MAN2C1: variants seen among roughly 807,000 people sequenced by gnomAD.
The protein encoded by MAN2C1 is mannosidase alpha class 2C member 1.
MAN2C1 carries 111 observed loss-of-function variants against 126.9 expected under a neutral mutation model. The ratio of observed to expected loss-of-function variants is 0.87; its 90% CI spans 0.75 to 1.02. The LOEUF (loss-of-function observed/expected upper bound fraction) is 1.02. MAN2C1 is among the 50% of genes least tolerant of loss of function. MAN2C1 has a pLI of 0.00. For synonymous variants in MAN2C1, 567 were observed against 561.5 expected, an observed-to-expected ratio of 1.01 and a Z score of -0.14; for missense variants, 1,363 against 1,364.4, an observed-to-expected ratio of 1.00 and a Z score of 0.02.
At position 75,356,490 on chromosome 15, in the gene MAN2C1, GC is replaced by G. The variant is rs2072305329; in HGVS notation, c.2738-42del. 1 of 1,572,212 alleles carries G rather than the reference GC, an allele frequency of 6.4e-7. No homozygotes were observed. The highest frequency in any genetic ancestry group is 8.6e-7 in the Non-Finnish European group (1 of 1,160,676). ...GAAACAATGCTGGTGGAGAATGGGG[GC>G]TACCCTCCCCTGTCCCTAGAAGGGG... On this transcript the variant is annotated intron_variant, in intron 23 of 25. Coordinates refer to ENST00000267978, the MANE Select transcript of MAN2C1 (RefSeq NM_006715.4). The surrounding 1 kb of genome is among the most constrained non-coding windows in gnomAD (Gnocchi z 5.8).
Position 75,359,441 on chromosome 15 carries a change from G to T in MAN2C1, c.1949-16C>A. On this transcript the variant is annotated splice_polypyrimidine_tract_variant and intron_variant, in intron 16 of 25. Transcript: ENST00000267978. ...GTCACCAGGGCTGGGGGTGAGGCCT[G>T]GGCATCAGTGCAGCCTTCCTGACCT... 1 of 1,604,942 alleles carries T rather than the reference G, an allele frequency of 6.2e-7. No homozygotes were observed.
Position 75,362,471 on chromosome 15 carries a change from G to A in MAN2C1, c.898-18C>T. The A allele has an allele frequency of 6.3e-7, 1 of 1,591,670 alleles. No individual in the cohort carries two copies. Among genetic ancestry groups the A allele is most frequent in the Non-Finnish European group, 8.6e-7 (1 of 1,168,836 alleles). On this transcript the variant is annotated intron_variant, in intron 7 of 25. Coordinates refer to ENST00000267978, the MANE Select transcript of MAN2C1 (RefSeq NM_006715.4). The surrounding 1 kb of genome is among the most constrained non-coding windows in gnomAD (Gnocchi z 4.5). ...TGCTGCGCCTGTGGGCAGGTTGAAGGGAGCTGGGACCAGAGTGACAAGGGC... is the reference window on the plus strand; with the variant it reads ...TGCTGCGCCTGTGGGCAGGTTGAAGAGAGCTGGGACCAGAGTGACAAGGGC...
Position 75,361,940 on chromosome 15 carries a change from T to C in MAN2C1, c.1016A>G (p.Asn339Ser). ...CACCATGGCCTCTCCACTGGGCAGGTTCCCATCCTGGCAGTGAAGGAAGTG... is the reference window on the plus strand; with the variant it reads ...CACCATGGCCTCTCCACTGGGCAGGCTCCCATCCTGGCAGTGAAGGAAGTG... ...VGGTWVEMDG[N>S]LPSGEAMVRQ... Residue 339 changes from asparagine to serine, a missense_variant, in exon 9 of 26, where the codon AAC becomes AGC. Physicochemically the swap from Asn to Ser is conservative, Grantham distance 46. Coordinates refer to ENST00000267978, the MANE Select transcript of MAN2C1 (RefSeq NM_006715.4). This position sits in a 1 kb window ranked among gnomAD's most constrained non-coding sequence, Gnocchi z 5.0. The C allele has an allele frequency of 1.9e-6, 3 of 1,613,706 alleles. No individual in the cohort carries two copies. Among genetic ancestry groups the C allele is most frequent in the Non-Finnish European group, 2.5e-6 (3 of 1,179,746 alleles).
In MAN2C1 at chr15:75,362,409, G is replaced by C. The variant is rs762587340; in HGVS notation, c.942C>G (p.Tyr314Ter). 22 of 1,613,742 alleles carry C rather than the reference G, an allele frequency of 1.4e-5. No homozygotes were observed. The highest frequency in any genetic ancestry group is 1.9e-5 in the Non-Finnish European group (22 of 1,180,012). Residue 314 changes from tyrosine (Y) to a stop codon, truncating the protein, a stop_gained, in exon 8 of 26, where the codon TAC becomes TAG. Coordinates refer to ENST00000267978, the MANE Select transcript of MAN2C1 (RefSeq NM_006715.4). LOFTEE classifies it high-confidence loss of function. This position sits in a 1 kb window ranked among gnomAD's most constrained non-coding sequence, Gnocchi z 4.5. ...GGCACGCAAACTCCTGGATGCGGGA[G>C]TACAGGCCAGGGTAGCGGCTCTTCA... Reference protein sequence around the residue: ...EWVKSRYPGLYSRIQEFACRG... With the variant: ...EWVKSRYPGL
Position 75,361,368 on chromosome 15 carries a change from A to C in MAN2C1, c.1232T>G (p.Phe411Cys). Residue 411 changes from phenylalanine to cysteine, a missense_variant, in exon 11 of 26, where the codon TTC becomes TGC. By Grantham distance (205) the Phe-to-Cys change is radical. Transcript: ENST00000267978. The surrounding 1 kb of genome is among the most constrained non-coding windows in gnomAD (Gnocchi z 5.0). Reference protein sequence around the residue: ...LVNSFPHHTFFWEGLDGSRVL... With the variant: ...LVNSFPHHTFCWEGLDGSRVL... ...ACGGGAGCCATCCAGGCCCTCCCAG[A>C]AAAATGTATGGTGCTACCAGCAGGG... The C allele has an allele frequency of 3.2e-6, 5 of 1,564,052 alleles. No homozygotes were observed. Among genetic ancestry groups the C allele is most frequent in the Non-Finnish European group, 4.3e-6 (5 of 1,153,386 alleles).
At chr15:75,358,936 T>C in intron 18 of MAN2C1, 123 bp downstream of exon 18, 6 of 1,450,180 alleles carry the variant, frequency 4.1e-6, no homozygotes, top group Non-Finnish European at 5.7e-6. Context: ...CCCTGCTCCA[T>C]GTGTGGGTTC....
chr15:75,359,466 T>C (rs1171493213), intron 16 of MAN2C1, 41 bp from the exon 17 acceptor site: 7 of 1,583,170 alleles, frequency 4.4e-6, no homozygotes, highest in Middle Eastern at 2.3e-4. Flanking sequence ...CTTCCTGACC[T>C]TTCAGGAAGC....
At chr15:75,358,973 G>A in intron 18 of MAN2C1, 86 bp downstream of exon 18, 2 of 1,568,482 alleles carry the variant, frequency 1.3e-6, no homozygotes, top group East Asian at 4.5e-5. Flanking sequence ...GTGGGCTGCT[G>A]TGGGCAGTGT....
chr15:75,366,438 G>T, intron 4 of MAN2C1, 84 bp downstream of exon 4: 1 of 1,143,044 alleles, frequency 8.7e-7, no homozygotes, highest in East Asian at 2.5e-5. Flanking sequence ...GCGGGCTTAT[G>T]AGATCACTCT....
chr15:75,358,066 T>C, intron 21 of MAN2C1, 135 bp downstream of exon 21: 1 of 1,118,428 alleles, frequency 8.9e-7, no homozygotes, highest in Non-Finnish European at 1.3e-6. Flanking sequence ...ATGTAAAGCA[T>C]TTAGTGCAAT....
In MAN2C1 at chr15:75,362,158, G is replaced by T; in HGVS notation, c.1008+185C>A. On this transcript the variant is annotated intron_variant, in intron 8 of 25. Coordinates refer to ENST00000267978, the MANE Select transcript of MAN2C1 (RefSeq NM_006715.4). The surrounding 1 kb of genome is among the most constrained non-coding windows in gnomAD (Gnocchi z 4.5). ...ACTAGGCCATGCAACTTGTCACAGC[G>T]CTGGAGGCTCTCCTCCCCCTTGAAG... The T allele has an allele frequency of 1.5e-6, 1 of 667,398 alleles. No homozygotes were observed. The highest frequency in any genetic ancestry group is 2.6e-6 in the Non-Finnish European group (1 of 383,714). 41.3% of individuals were successfully genotyped at this position (667,398 alleles called of 1,614,324 possible).
chr15:75,366,921 G>T (rs118125867), intron 3 of MAN2C1, among the ~76,000 whole-genome samples: 1 of 152,326 alleles, frequency 6.6e-6, no homozygotes, highest in Non-Finnish European at 1.5e-5. Context: ...GAAACTCCGT[G>T]AAGTCAGGGG....
chr15:75,363,858 C>G, intron 6 of MAN2C1, 141 bp downstream of exon 6: 1 of 879,010 alleles, frequency 1.1e-6, no homozygotes, highest in South Asian at 1.7e-5. Context: ...TCCAGCCCCC[C>G]GGCCCCGTTT....
rs2072379780 is a variant in MAN2C1, at chr15:75,358,255, C to T, written c.2493G>A (p.Gly831=). 1 of 1,614,188 alleles carries T rather than the reference C, an allele frequency of 6.2e-7. No individual in the cohort carries two copies. The highest frequency in any genetic ancestry group is 8.5e-7 in the Non-Finnish European group (1 of 1,180,042). The change falls in exon 21 of 26, where the codon GGG becomes GGA. Residue 831 remains glycine (G), a synonymous_variant. Transcript: ENST00000267978. The part of the protein sequence containing the change: ...SSQATYEIQF[G]HLQRPTHYNT... ...TGTAGTGGGTAGGTCGCTGCAGGTG[C>T]CCAAACTGGATCTCATAGGTGGCCT...
At chr15:75,363,177 TC>T (rs1478872942) in intron 6 of MAN2C1, 5 of 457,368 alleles carry the variant, frequency 1.1e-5, no homozygotes, top group Non-Finnish European at 2.2e-5. Flanking sequence ...CTGCAGTTCC[TC>T]CCTTACCAGC....
Position 75,361,102 on chromosome 15 carries a change from G to A in MAN2C1, c.1404C>T (p.Pro468=), listed in dbSNP as rs1193976154. Reference sequence around the variant, plus strand: ...TCAGGCGGTCCAGCATGGTCTGGGTGGGGCCACCACCCCCATCCCCAAAGC... The same window carrying A: ...TCAGGCGGTCCAGCATGGTCTGGGTAGGGCCACCACCCCCATCCCCAAAGC... The part of the protein sequence containing the change: ...LFGFGDGGGG[P]TQTMLDRLKR... The change falls in exon 12 of 26, where the codon CCC becomes CCT. Residue 468 remains proline, a synonymous_variant. Transcript: ENST00000267978. The surrounding 1 kb of genome is among the most constrained non-coding windows in gnomAD (Gnocchi z 5.0). 5.6e-6 allele frequency: 9 copies of A among 1,612,650 alleles called. No homozygotes were observed. The highest frequency in any genetic ancestry group is 1.6e-4 in the Middle Eastern group (1 of 6,082).
rs144261499 is a variant in MAN2C1 at position 75,361,344 on chromosome 15, C to T, written c.1256G>A (p.Arg419His). 1,207 of 1,567,000 alleles carry T rather than the reference C, an allele frequency of 7.7e-4. 14 individuals are homozygous for T. The African/African-American group carries it at 0.013, about 17-fold the overall frequency. Reference protein sequence around the residue: ...TFFWEGLDGSRVLVHFPPGDS... With the variant: ...TFFWEGLDGSHVLVHFPPGDS... Reference sequence around the variant, plus strand: ...GCCAGGTGGGAAGTGGACCAGTACACGGGAGCCATCCAGGCCCTCCCAGAA... The same window carrying T: ...GCCAGGTGGGAAGTGGACCAGTACATGGGAGCCATCCAGGCCCTCCCAGAA... The change falls in exon 11 of 26, where the codon CGT becomes CAT. Residue 419 changes from arginine to histidine, a missense_variant. Physicochemically the swap from Arg to His is conservative, Grantham distance 29. Coordinates refer to ENST00000267978, the MANE Select transcript of MAN2C1 (RefSeq NM_006715.4). This position sits in a 1 kb window ranked among gnomAD's most constrained non-coding sequence, Gnocchi z 5.0.
chr15:75,367,469 C>G, intron 3 of MAN2C1, 42 bp downstream of exon 3: 1 of 1,605,980 alleles, frequency 6.2e-7, no homozygotes, highest in Non-Finnish European at 8.5e-7. Flanking sequence ...CATTTCAGGG[C>G]TGAAATGTGG....
chr15:75,363,272 G>C (rs932287913), intron 6 of MAN2C1: 11 of 456,016 alleles, frequency 2.4e-5, no homozygotes, highest in East Asian at 6.9e-5. Flanking sequence ...GGCTGCATCA[G>C]AATCAATACC....
Sources: gnomAD v4.1 joint callset for allele counts (sites outside exome capture counted in the v4.1 genomes callset) on GRCh38, gnomAD v4.1.1 for gene constraint, Gnocchi (gnomAD v3.1) non-coding constraint, MANE v1.5 for transcripts, NCBI Gene and HGNC (gene_info 2026-07-23, HGNC 2026-07-21) for gene names.